Variants in RIC1 observed in about 807,000 individuals in gnomAD.
RIC1 encodes guanine nucleotide exchange factor subunit RIC1.
A neutral mutation model predicts 169.0 loss-of-function variants in RIC1; 88 were observed. That is an observed-to-expected ratio of 0.52 (90% CI 0.44 to 0.62). The LOEUF (loss-of-function observed/expected upper bound fraction) is 0.62. RIC1 is among the 20% of genes least tolerant of loss of function. RIC1 has a pLI of 0.00. For missense variants in RIC1, 1,877 were observed against 1,725.5 expected (o/e 1.09, Z -1.56); for synonymous variants, 790 against 601.5 (o/e 1.31, Z -4.59).
intron 2 of RIC1, among the ~76,000 whole-genome samples, chr9:5,679,634 CTG>C (rs1563892667): frequency 2.0e-5 from 3 of 152,196 alleles, no homozygotes; most frequent in East Asian, 3.9e-4. Context: ...TGATTTGGCT[CTG>C]TGTTTGTCTG....
chr9:5,640,892 G>GT (rs756135489), intron 1 of RIC1, among the ~76,000 whole-genome samples: 55 of 150,482 alleles, frequency 3.7e-4, no homozygotes, highest in East Asian at 2.9e-3. Flanking sequence ...GCTTTTGTTT[G>GT]TTTTTTTTGT....
At chr9:5,690,478 G>A (rs942872377) in intron 3 of RIC1, among the ~76,000 whole-genome samples, 2 of 151,668 alleles carry the variant, frequency 1.3e-5, no homozygotes. Context: ...CCTTTACACT[G>A]TGTAGTTATG....
chr9:5,683,531 C>T (rs1412907219), intron 2 of RIC1, among the ~76,000 whole-genome samples: 1 of 152,136 alleles, frequency 6.6e-6, no homozygotes, highest in Non-Finnish European at 1.5e-5. Context: ...GAGTACCCGG[C>T]CGTGTGAAGT....
At chr9:5,722,289 A>G (rs1318948997) in intron 6 of RIC1, among the ~76,000 whole-genome samples, 2 of 140,542 alleles carry the variant, frequency 1.4e-5, no homozygotes, top group African/African-American at 2.7e-5. Context: ...CCGAGGAACT[A>G]TATCACTTAA....
intron 19 of RIC1, among the ~76,000 whole-genome samples, chr9:5,764,836 A>G (rs909549867): frequency 3.3e-5 from 5 of 152,220 alleles, no homozygotes; most frequent in East Asian, 1.9e-4. Context: ...CTAAGTTGCT[A>G]TGGATTGGCA....
chr9:5,712,083 A>T (rs1377771935), intron 3 of RIC1, among the ~76,000 whole-genome samples: 1 of 152,172 alleles, frequency 6.6e-6, no homozygotes, highest in Non-Finnish European at 1.5e-5. Context: ...TCCTTTGGGT[A>T]TATACCTAGT....
At chr9:5,720,888 TAGTATA>T (rs1823550432) in intron 6 of RIC1, 138 bp downstream of exon 6, 3 of 707,750 alleles carry the variant, frequency 4.2e-6, no homozygotes, top group Non-Finnish European at 2.2e-6. Context: ...AACATATAAA[TAGTATA>T]AGTAGACAAA....
intron 16 of RIC1, 99 bp from the exon 17 acceptor site, chr9:5,757,214 C>T (rs1400672359): frequency 7.3e-7 from 1 of 1,369,770 alleles, no homozygotes; most frequent in East Asian, 2.3e-5. Flanking sequence ...ACATCTGAGT[C>T]TTCCATAAGC....
At chr9:5,714,155 T>A in intron 4 of RIC1, 152 bp downstream of exon 4, 1 of 465,544 alleles carries the variant, frequency 2.1e-6, no homozygotes, top group Non-Finnish European at 3.8e-6. Context: ...TATAAGACAA[T>A]GGAAGTTTTA....
Position 5,658,036 on chromosome 9 carries a change from T to C in RIC1, c.252+1346T>C, listed in dbSNP as rs373801626. Among the ~76,000 whole-genome samples, 6 of 152,282 alleles carry C rather than the reference T, an allele frequency of 3.9e-5. No individual in the cohort carries two copies. The East Asian group carries it at 1.2e-3, about 29-fold the overall frequency. ...ATGTGGTGCTCTCATTGCTTTGCTCTTCTGTTCAATGCACTGTGTAGTAAC... is the reference window on the plus strand; with the variant it reads ...ATGTGGTGCTCTCATTGCTTTGCTCCTCTGTTCAATGCACTGTGTAGTAAC... On this transcript the variant is annotated intron_variant, in intron 2 of 25. Transcript: ENST00000414202.
chr9:5,715,593 T>C (rs1046316688), intron 4 of RIC1, among the ~76,000 whole-genome samples: 2 of 152,178 alleles, frequency 1.3e-5, no homozygotes, highest in Middle Eastern at 3.2e-3. Context: ...TTATTTTCCC[T>C]CCTGTCACCA....
At position 5,747,386 on chromosome 9, in the gene RIC1, A is replaced by G; in HGVS notation, c.1333A>G (p.Ser445Gly). 2 of 1,614,104 alleles carry G rather than the reference A, an allele frequency of 1.2e-6. No homozygotes were observed. The highest frequency in any genetic ancestry group is 1.7e-6 in the Non-Finnish European group (2 of 1,179,956). The change falls in exon 12 of 26, where the codon AGT becomes GGT. Residue 445 changes from serine (S) to glycine (G), a missense_variant. Transcript: ENST00000414202. ...GGCTTCACAAACCCAGAATCCCAGGAGTTCTTCAACACACTCTGAGCATAA... is the reference window on the plus strand; with the variant it reads ...GGCTTCACAAACCCAGAATCCCAGGGGTTCTTCAACACACTCTGAGCATAA... Reference protein sequence around the residue: ...GEASQTQNPRSSSTHSEHKPS... With the variant: ...GEASQTQNPRGSSTHSEHKPS...
Position 5,774,203 on chromosome 9 carries a change from A to T in RIC1, c.4229A>T (p.Glu1410Val). The change falls in exon 26 of 26, where the codon GAA (glutamate) becomes GTA (valine). Residue 1410 changes from glutamate (E) to valine (V), a missense_variant. By Grantham distance (121) the Glu-to-Val change is moderately radical. This residue lies in a region of RIC1 where 681 missense variants were observed against 582.0 expected (regional missense o/e 1.17). Coordinates refer to ENST00000414202, the MANE Select transcript of RIC1 (RefSeq NM_020829.4). ...GAGGACACAGCCCAAGCAGAGGAGG[A>T]AGAACCTTTTCAGGATGGGACTTAC... ...KEEDTAQAEE[E>V]EPFQDGTYDC... 1.2e-6 allele frequency: 2 copies of T among 1,613,668 alleles called. No individual in the cohort carries two copies. The highest frequency in any genetic ancestry group is 1.7e-6 in the Non-Finnish European group (2 of 1,179,796).
At chr9:5,684,382 A>T (rs1410888257) in intron 2 of RIC1, among the ~76,000 whole-genome samples, 1 of 145,728 alleles carries the variant, frequency 6.9e-6, no homozygotes, top group Non-Finnish European at 1.5e-5. Flanking sequence ...ATTTGGGGAG[A>T]GTTGCTATCT....
At chr9:5,730,089 G>C (rs1288854596) in intron 6 of RIC1, among the ~76,000 whole-genome samples, 3 of 152,040 alleles carry the variant, frequency 2.0e-5, no homozygotes, top group Admixed American at 6.6e-5. Flanking sequence ...GGTATAGATA[G>C]AAAATACAAA....
intron 12 of RIC1, among the ~76,000 whole-genome samples, chr9:5,752,650 G>A (rs1825791205): frequency 6.6e-6 from 1 of 152,064 alleles, no homozygotes; most frequent in Non-Finnish European, 1.5e-5. Flanking sequence ...TGGTCAGGCT[G>A]GTCACAAACT....
chr9:5,702,769 A>G (rs898177231), intron 3 of RIC1, among the ~76,000 whole-genome samples: 1 of 152,044 alleles, frequency 6.6e-6, no homozygotes, highest in Admixed American at 6.6e-5. Flanking sequence ...CTGGTCTCGA[A>G]CTCCTGAGCT....
chr9:5,684,794 T>C (rs954219987), intron 2 of RIC1, among the ~76,000 whole-genome samples: 3 of 152,198 alleles, frequency 2.0e-5, no homozygotes, highest in Non-Finnish European at 4.4e-5. Flanking sequence ...AATGATGTTA[T>C]AAATATTTTA....
intron 7 of RIC1, among the ~76,000 whole-genome samples, chr9:5,737,051 T>G (rs1272094481): frequency 6.6e-6 from 1 of 152,074 alleles, no homozygotes; most frequent in Non-Finnish European, 1.5e-5. Context: ...AGCATTCTTA[T>G]ATTAAAAAGT....
Sources: gnomAD v4.1 joint callset for allele counts (sites outside exome capture counted in the v4.1 genomes callset) on GRCh38, gnomAD v4.1.1 for gene constraint, gnomAD v4.1.1 regional missense constraint, MANE v1.5 for transcripts, NCBI Gene and HGNC (gene_info 2026-07-23, HGNC 2026-07-21) for gene names.